NDFIP1: variants seen among roughly 807,000 people sequenced by gnomAD.
NDFIP1 encodes the protein NEDD4 family-interacting protein 1.
NDFIP1 carries 7 observed loss-of-function variants against 28.8 expected under a neutral mutation model. That is an observed-to-expected ratio of 0.24 (90% CI 0.14 to 0.46). The LOEUF is 0.46. NDFIP1 is among the 20% of genes least tolerant of loss of function. The pLI, the probability that NDFIP1 is intolerant of heterozygous loss-of-function variation, is 0.99. For synonymous variants in NDFIP1, 92 were observed against 101.0 expected (o/e 0.91, Z 0.53); for missense variants, 194 against 269.1 (o/e 0.72, Z 1.95).
At chr5:142,145,413 CTG>C (rs1211259596) in intron 7 of NDFIP1, among the ~76,000 whole-genome samples, 1 of 152,080 alleles carries the variant, frequency 6.6e-6, no homozygotes, top group Non-Finnish European at 1.5e-5. Flanking sequence ...AGAGAGCTCT[CTG>C]TGGTAGCAAG....
At chr5:142,150,176 G>A (rs59143962) in intron 7 of NDFIP1, among the ~76,000 whole-genome samples, 12,277 of 54,132 alleles carry the variant, frequency 0.23, 668 homozygotes, top group African/African-American at 0.33. Flanking sequence ...GCGGGACTCC[G>A]TCTCAAAAAA....
intron 7 of NDFIP1, among the ~76,000 whole-genome samples, chr5:142,145,706 T>C (rs1265777592): frequency 1.3e-5 from 2 of 152,014 alleles, no homozygotes; most frequent in Non-Finnish European, 2.9e-5. Context: ...TAAAGGAGTA[T>C]TGAGGGTCAA....
At chr5:142,143,856 G>C (rs1249823311) in intron 6 of NDFIP1, 1 of 152,060 alleles carries the variant, frequency 6.6e-6, no homozygotes, top group African/African-American at 2.4e-5. Flanking sequence ...TAAAAAATTA[G>C]CTGGGCATGA....
chr5:142,112,128 C>T (rs978055255), intron 1 of NDFIP1, among the ~76,000 whole-genome samples: 2 of 152,112 alleles, frequency 1.3e-5, no homozygotes, highest in African/African-American at 4.8e-5. Flanking sequence ...CCTGTAATCC[C>T]AGCACTTTGG....
At chr5:142,131,711 C>A in intron 1 of NDFIP1, 97 bp from the exon 2 acceptor site, 2 of 869,898 alleles carry the variant, frequency 2.3e-6, no homozygotes, top group South Asian at 2.6e-5. Flanking sequence ...AATACGTTGC[C>A]AAATAGCTTT....
chr5:142,152,993 T>C lies in NDFIP1; in HGVS notation c.*1265T>C, dbSNP rs984035729. The C allele has an allele frequency of 3.4e-6, 1 of 294,138 alleles. No homozygotes were observed. Among genetic ancestry groups the C allele is most frequent in the Non-Finnish European group, 6.7e-6 (1 of 150,280 alleles). 18.2% of individuals were successfully genotyped at this position (294,138 alleles called of 1,614,324 possible). On this transcript the variant is annotated 3_prime_UTR_variant, in exon 8 of 8. Transcript: ENST00000253814. ...ATTGGTTCTGTAAAAGATAATGGAC[T>C]AAAAAAGTAGAGAGGAGTTGTAGAG...
Position 142,108,799 on chromosome 5 carries a change from G to C in NDFIP1, c.-176G>C, listed in dbSNP as rs3761759. 150,284 of 443,966 alleles carry C rather than the reference G, an allele frequency of 0.34. 27,686 individuals are homozygous for C. Among genetic ancestry groups the C allele is most frequent in the Non-Finnish European group, 0.4 (105,122 of 266,050 alleles). The allele number at this position is 443,966 out of a possible 1,614,324, so 27.5% of individuals were successfully genotyped here. A position where few individuals can be genotyped will look rare whatever the true frequency, so the allele number is the denominator to read the frequency against. On this transcript the variant is annotated 5_prime_UTR_variant, in exon 1 of 8. Coordinates refer to ENST00000253814, the MANE Select transcript of NDFIP1 (RefSeq NM_030571.4). ...TCCCCAGGGGCCGCGTCGGAGCCTC[G>C]GCGGCGGCGGCGGTGCTTACAGCCT...
At chr5:142,109,313 C>T (rs1242078516) in intron 1 of NDFIP1, among the ~76,000 whole-genome samples, 5 of 152,208 alleles carry the variant, frequency 3.3e-5, no homozygotes, top group Non-Finnish European at 7.3e-5. Flanking sequence ...GTCCCTGAGT[C>T]AGAACCCGCG....
intron 5 of NDFIP1, among the ~76,000 whole-genome samples, chr5:142,138,947 G>T (rs564500244): frequency 4.0e-5 from 6 of 151,762 alleles, no homozygotes; most frequent in Non-Finnish European, 2.9e-5. Context: ...GCCGGGTGCG[G>T]TGGCTCACGC....
intron 6 of NDFIP1, chr5:142,143,402 C>T (rs1311137961): frequency 6.6e-6 from 1 of 152,310 alleles, no homozygotes; most frequent in Non-Finnish European, 1.5e-5. Context: ...TCAATAGTCA[C>T]TTGTTGCTTT....
At chr5:142,143,346 T>A (rs1395585555) in intron 6 of NDFIP1, 1 of 152,146 alleles carries the variant, frequency 6.6e-6, no homozygotes, top group Non-Finnish European at 1.5e-5. Flanking sequence ...TTCAGTAAGA[T>A]CCCACCACCA....
intron 1 of NDFIP1, among the ~76,000 whole-genome samples, chr5:142,116,804 G>C (rs1381925742): frequency 6.6e-6 from 1 of 151,942 alleles, no homozygotes. Flanking sequence ...TCCGCCTCCT[G>C]GGTTCAAGAG....
Position 142,152,776 on chromosome 5 carries a change from C to T in NDFIP1, c.*1048C>T, listed in dbSNP as rs1197487441. On this transcript the variant is annotated 3_prime_UTR_variant, in exon 8 of 8. Transcript: ENST00000253814. Reference sequence around the variant, plus strand: ...ATTAATAAATATCTCTTGTGTAGCACCTTTTACTGTAGATTAGTGCTTAAT... The same window carrying T: ...ATTAATAAATATCTCTTGTGTAGCATCTTTTACTGTAGATTAGTGCTTAAT... 6.2e-6 allele frequency: 1 copy of T among 161,768 alleles called. No individual in the cohort carries two copies. The highest frequency in any genetic ancestry group is 1.4e-5 in the Non-Finnish European group (1 of 73,856). The allele number at this position is 161,768 out of a possible 1,614,324, so 10.0% of individuals were successfully genotyped here. A position where few individuals can be genotyped will look rare whatever the true frequency, so the allele number is the denominator to read the frequency against.
At position 142,108,936 on chromosome 5, in the gene NDFIP1, C is replaced by G. The variant is rs751877016; in HGVS notation, c.-39C>G. ...GCAGCGGCCGCGCCCCTTCAGCTAGCTCGCTCGCTCGCTCTGCTTCCCTGC... is the reference window on the plus strand; with the variant it reads ...GCAGCGGCCGCGCCCCTTCAGCTAGGTCGCTCGCTCGCTCTGCTTCCCTGC... On this transcript the variant is annotated 5_prime_UTR_variant, in exon 1 of 8. Coordinates refer to ENST00000253814, the MANE Select transcript of NDFIP1 (RefSeq NM_030571.4). 49 of 1,407,890 alleles carry G rather than the reference C, an allele frequency of 3.5e-5. No individual in the cohort carries two copies. The highest frequency in any genetic ancestry group is 2.5e-4 in the Middle Eastern group (1 of 4,016). 87.2% of individuals were successfully genotyped at this position (1,407,890 alleles called of 1,614,324 possible). A position where few individuals can be genotyped will look rare whatever the true frequency, so the allele number is the denominator to read the frequency against.
intron 1 of NDFIP1, among the ~76,000 whole-genome samples, chr5:142,117,618 A>C (rs374342888): frequency 6.6e-6 from 1 of 151,754 alleles, no homozygotes; most frequent in African/African-American, 2.4e-5. Context: ...TACATTCTTC[A>C]TGTGCTAGAT....
chr5:142,143,713 GAA>G (rs1757359091), intron 6 of NDFIP1: 1 of 152,098 alleles, frequency 6.6e-6, no homozygotes, highest in African/African-American at 2.4e-5. Context: ...TAAGAATAGA[GAA>G]ATAGGCTGGG....
chr5:142,137,999 A>C, intron 5 of NDFIP1, 141 bp downstream of exon 5: 1 of 1,033,308 alleles, frequency 9.7e-7, no homozygotes, highest in Non-Finnish European at 1.3e-6. Flanking sequence ...TTTCATGATG[A>C]AGCTGAACCA....
At position 142,124,919 on chromosome 5, in the gene NDFIP1, G is replaced by A. The variant is rs569346144; in HGVS notation, c.64-6889G>A. Among the ~76,000 whole-genome samples the A allele has an allele frequency of 9.1e-4, 139 of 152,008 alleles. 1 individual carries two copies. The highest frequency in any genetic ancestry group is 1.1e-3 in the Non-Finnish European group (73 of 67,972). ...CGGCTCACTGCAAGCTCCACCTCCC[G>A]GGTTCACACCATTCTCCTGCCTCAG... On this transcript the variant is annotated intron_variant, in intron 1 of 7. Coordinates refer to ENST00000253814, the MANE Select transcript of NDFIP1 (RefSeq NM_030571.4).
At chr5:142,120,441 T>G (rs1757112649) in intron 1 of NDFIP1, among the ~76,000 whole-genome samples, 1 of 152,232 alleles carries the variant, frequency 6.6e-6, no homozygotes, top group East Asian at 1.9e-4. Context: ...TTTAGCTTTC[T>G]TGGGTCTGCT....
Sources: gnomAD v4.1 joint callset for allele counts (sites outside exome capture counted in the v4.1 genomes callset) on GRCh38, gnomAD v4.1.1 for gene constraint, MANE v1.5 for transcripts, NCBI Gene and HGNC (gene_info 2026-07-23, HGNC 2026-07-21) for gene names.